The following TMEFF1 variants were observed in gnomAD, a reference collection of about 807,000 sequenced individuals.
TMEFF1 encodes the protein transmembrane protein with EGF like and two follistatin like domains 1.
TMEFF1 carries 20 observed loss-of-function variants against 47.5 expected under a neutral mutation model. The ratio of observed to expected loss-of-function variants is 0.42; its 90% CI spans 0.30 to 0.61. The LOEUF (loss-of-function observed/expected upper bound fraction) is 0.61, where lower values mean the gene tolerates loss of function less well. Among genes scored for constraint, TMEFF1 ranks in the 20% least tolerant of loss-of-function variants. The pLI is 0.19. For missense variants in TMEFF1, 411 were observed against 471.1 expected (o/e 0.87, Z 1.18); for synonymous variants, 162 against 166.3 (o/e 0.97, Z 0.20).
intron 2 of TMEFF1, 87 bp from the exon 3 acceptor site, chr9:100,508,918 A>G: frequency 7.5e-7 from 1 of 1,342,036 alleles, no homozygotes; most frequent in East Asian, 2.8e-5. Flanking sequence ...AGTATGTCAT[A>G]ATGCTATGGT....
chr9:100,538,318 A>C (rs1236805223), intron 5 of TMEFF1, among the ~76,000 whole-genome samples: 1 of 152,182 alleles, frequency 6.6e-6, no homozygotes, highest in African/African-American at 2.4e-5. Context: ...GGCCTCCCAA[A>C]GTGTTGGGAT....
intron 5 of TMEFF1, among the ~76,000 whole-genome samples, chr9:100,532,493 A>G: frequency 6.6e-6 from 1 of 152,170 alleles, no homozygotes; most frequent in Non-Finnish European, 1.5e-5. Flanking sequence ...AAAAATGCTC[A>G]TCATCACTGG....
At chr9:100,519,875 A>G (rs1002589010) in intron 5 of TMEFF1, among the ~76,000 whole-genome samples, 1 of 152,096 alleles carries the variant, frequency 6.6e-6, no homozygotes, top group African/African-American at 2.4e-5. Context: ...TGTAAAAAAT[A>G]CATTTGCATT....
chr9:100,474,780 C>T (rs1357932807), intron 1 of TMEFF1, among the ~76,000 whole-genome samples: 1 of 152,066 alleles, frequency 6.6e-6, no homozygotes, highest in Non-Finnish European at 1.5e-5. Context: ...CCTCTCCCCT[C>T]TCTCCAAGGC....
chr9:100,548,777 A>G (rs1355771327), intron 6 of TMEFF1, among the ~76,000 whole-genome samples: 1 of 152,214 alleles, frequency 6.6e-6, no homozygotes, highest in East Asian at 1.9e-4. Flanking sequence ...TGATTGCAGT[A>G]CCTCTGGTCT....
At chr9:100,521,014 C>G (rs1207325882) in intron 5 of TMEFF1, among the ~76,000 whole-genome samples, 2 of 152,130 alleles carry the variant, frequency 1.3e-5, no homozygotes, top group African/African-American at 2.4e-5. Flanking sequence ...TGTGCCTTGG[C>G]AATGAGTTTG....
chr9:100,551,116 C>T (rs1308152101), intron 7 of TMEFF1, among the ~76,000 whole-genome samples: 2 of 152,256 alleles, frequency 1.3e-5, no homozygotes, highest in Admixed American at 6.5e-5. Flanking sequence ...AGTGCATCAT[C>T]TATCCATTTG....
At chr9:100,505,410 CAAAAAAAAAAAAAAAAAA>C (rs60312984) in intron 2 of TMEFF1, among the ~76,000 whole-genome samples, 2 of 26,430 alleles carry the variant, frequency 7.6e-5, no homozygotes, top group South Asian at 3.4e-3. Context: ...GACCCTGTCT[CAAAAAAAAAAAAAAAAAA>C]AAAAAAAAAA....
In TMEFF1 at chr9:100,576,953, A is replaced by G. The variant is rs1276083895; in HGVS notation, c.*353A>G. On this transcript the variant is annotated 3_prime_UTR_variant, in exon 10 of 10. Coordinates refer to ENST00000374879, the MANE Select transcript of TMEFF1 (RefSeq NM_003692.5). The stretch of plus-strand genomic sequence containing the variant: ...ACAGCAAATGACCAAGCATGAACTA[A>G]AGGTAAAGATGTTTACAGATTACTT... 4 of 168,896 alleles carry G rather than the reference A, an allele frequency of 2.4e-5. No homozygotes were observed. The highest frequency in any genetic ancestry group is 5.1e-5 in the Non-Finnish European group (4 of 78,498). The allele number at this position is 168,896 out of a possible 1,614,324, so 10.5% of individuals were successfully genotyped here.
At chr9:100,498,997 C>T (rs1023792179) in intron 2 of TMEFF1, 123 bp downstream of exon 2, 1 of 983,648 alleles carries the variant, frequency 1.0e-6, no homozygotes, top group Non-Finnish European at 1.5e-6. Context: ...CACAGCCCCT[C>T]AGTTCTTTTT....
chr9:100,564,951 A>G (rs1839093468), intron 8 of TMEFF1, among the ~76,000 whole-genome samples: 1 of 152,136 alleles, frequency 6.6e-6, no homozygotes, highest in Non-Finnish European at 1.5e-5. Context: ...GGTGGAGGTT[A>G]GTGGGATTAA....
intron 7 of TMEFF1, among the ~76,000 whole-genome samples, chr9:100,555,840 G>A (rs1348446032): frequency 6.6e-6 from 1 of 152,114 alleles, no homozygotes; most frequent in East Asian, 1.9e-4. Flanking sequence ...GCCCTACTAT[G>A]TGCCAGGTGC....
intron 5 of TMEFF1, among the ~76,000 whole-genome samples, chr9:100,541,150 A>C (rs1838619450): frequency 6.6e-6 from 1 of 152,140 alleles, no homozygotes; most frequent in African/African-American, 2.4e-5. Flanking sequence ...AAAAGGAGAA[A>C]AATGATGGAC....
intron 5 of TMEFF1, among the ~76,000 whole-genome samples, chr9:100,520,108 GATGTGTACTGC>G (rs1385770534): frequency 6.6e-6 from 1 of 152,112 alleles, no homozygotes; most frequent in East Asian, 1.9e-4. Flanking sequence ...AACTATAATA[GATGTGTACTGC>G]ATGTATTTTT....
rs373669514 is a variant in TMEFF1, at chr9:100,491,658, A to G, written c.197-7107A>G. Among the ~76,000 whole-genome samples, 6 of 152,278 alleles carry G rather than the reference A, an allele frequency of 3.9e-5. No individual in the cohort carries two copies. The East Asian group carries it at 1.2e-3, about 29-fold the overall frequency. On this transcript the variant is annotated intron_variant, in intron 1 of 9. Coordinates refer to ENST00000374879, the MANE Select transcript of TMEFF1 (RefSeq NM_003692.5). ...GCCAGAGAATGAACAAAATGAGATG[A>G]CACATGGGATGGTTGAAGGCAGAAC...
rs1238655634 is a variant in TMEFF1, at chr9:100,516,991, T to G, written c.560+220T>G. ...TTTAGAATGATAATCCATTTATAGT[T>G]TTCTGGTTTTATCTATGCTTTTCTT... On this transcript the variant is annotated intron_variant, in intron 5 of 9. Coordinates refer to ENST00000374879, the MANE Select transcript of TMEFF1 (RefSeq NM_003692.5). Among the ~76,000 whole-genome samples the G allele has an allele frequency of 2.0e-5, 3 of 152,310 alleles. No individual in the cohort carries two copies. The East Asian group carries it at 5.8e-4, about 29-fold the overall frequency.
At chr9:100,543,704 AACACACACACACACAC>A (rs36046142) in intron 5 of TMEFF1, among the ~76,000 whole-genome samples, 12 of 138,822 alleles carry the variant, frequency 8.6e-5, no homozygotes, top group East Asian at 2.1e-4. Flanking sequence ...GATGAAGTAA[AACACACACACACACAC>A]ACACACACAC....
chr9:100,495,759 T>A lies in TMEFF1; in HGVS notation c.197-3006T>A, dbSNP rs377199352. 3.3e-5 allele frequency among the ~76,000 whole-genome samples: 5 copies of A among 152,342 alleles called. No homozygotes were observed. In the East Asian group the frequency reaches 9.6e-4, roughly 29 times the overall value. On this transcript the variant is annotated intron_variant, in intron 1 of 9. Coordinates refer to ENST00000374879, the MANE Select transcript of TMEFF1 (RefSeq NM_003692.5). The stretch of plus-strand genomic sequence containing the variant: ...ATTTCATGACTTTTACCCTTACCTA[T>A]TAATGATATAGGACCTCTAGCACCC...
At chr9:100,568,612 T>TTCC (rs2118568571) in intron 8 of TMEFF1, among the ~76,000 whole-genome samples, 2 of 98,640 alleles carry the variant, frequency 2.0e-5, no homozygotes, top group Non-Finnish European at 4.7e-5. Context: ...TCCTTCCTTC[T>TTCC]CCATTGGTGT....
Sources: allele counts gnomAD v4.1 joint callset (sites outside exome capture counted in the v4.1 genomes callset), GRCh38; gene constraint gnomAD v4.1.1; transcripts MANE v1.5; gene names NCBI Gene and HGNC (gene_info 2026-07-23, HGNC 2026-07-21).